The following CORIN variants were observed in gnomAD, a reference collection of about 807,000 sequenced individuals.
The protein encoded by CORIN is corin, serine peptidase.
CORIN carries 117 observed loss-of-function variants against 125.3 expected under a neutral mutation model. The ratio of observed to expected loss-of-function variants is 0.93; its 90% CI spans 0.80 to 1.09. The LOEUF is 1.09. CORIN is among the 50% of genes least tolerant of loss of function. The probability of loss-of-function intolerance (pLI) is 0.00; values close to 1 mark genes in which losing one functional copy is unlikely to be tolerated. For synonymous variants in CORIN, 450 were observed against 466.4 expected, an observed-to-expected ratio of 0.96 and a Z score of 0.45; for missense variants, 1,253 against 1,306.7, an observed-to-expected ratio of 0.96 and a Z score of 0.63.
chr4:47,654,004 C>T (rs1186710739), intron 12 of CORIN, among the ~76,000 whole-genome samples: 2 of 152,204 alleles, frequency 1.3e-5, no homozygotes, highest in African/African-American at 2.4e-5. Flanking sequence ...AAATCATTTT[C>T]ACATCCCCAT....
intron 6 of CORIN, among the ~76,000 whole-genome samples, chr4:47,687,144 A>C (rs953333654): frequency 6.6e-6 from 1 of 152,234 alleles, no homozygotes; most frequent in Non-Finnish European, 1.5e-5. Context: ...TTTAGAAGTG[A>C]GATACAAAAT....
chr4:47,782,110 C>T (rs1016624678), intron 3 of CORIN, among the ~76,000 whole-genome samples: 1 of 151,972 alleles, frequency 6.6e-6, no homozygotes, highest in Non-Finnish European at 1.5e-5. Flanking sequence ...GAAGGCCAGG[C>T]GCAGTGGCTC....
chr4:47,744,706 A>G, intron 4 of CORIN, 123 bp from the exon 5 acceptor site: 1 of 888,262 alleles, frequency 1.1e-6, no homozygotes, highest in East Asian at 2.8e-5. Flanking sequence ...TACTATAGTC[A>G]GCAACTTAAA....
chr4:47,677,837 T>C, intron 9 of CORIN, 101 bp downstream of exon 9: 1 of 810,136 alleles, frequency 1.2e-6, no homozygotes, highest in Non-Finnish European at 2.1e-6. Context: ...CTGGGATTAT[T>C]TACATGGGAA....
At chr4:47,816,139 C>A (rs1732257820) in intron 1 of CORIN, among the ~76,000 whole-genome samples, 1 of 152,106 alleles carries the variant, frequency 6.6e-6, no homozygotes, top group African/African-American at 2.4e-5. Context: ...CATTTCAATG[C>A]AAAGTAAAAC....
At chr4:47,742,401 C>A (rs1478137626) in intron 5 of CORIN, among the ~76,000 whole-genome samples, 5 of 151,748 alleles carry the variant, frequency 3.3e-5, no homozygotes, top group Non-Finnish European at 4.4e-5. Context: ...AATTTACAGA[C>A]AAATTATAAA....
At chr4:47,774,842 A>G (rs1337678172) in intron 3 of CORIN, among the ~76,000 whole-genome samples, 1 of 152,228 alleles carries the variant, frequency 6.6e-6, no homozygotes, top group East Asian at 1.9e-4. Context: ...GCTAAGTAAA[A>G]TAAGCCAGTC....
At chr4:47,822,907 C>T (rs1315438965) in intron 1 of CORIN, among the ~76,000 whole-genome samples, 1 of 151,992 alleles carries the variant, frequency 6.6e-6, no homozygotes, top group Non-Finnish European at 1.5e-5. Context: ...CCTCCACCTC[C>T]CGGGTTCAAG....
chr4:47,756,719 A>C lies in CORIN; in HGVS notation c.617+6660T>G, dbSNP rs186542703. Among the ~76,000 whole-genome samples, 29 of 152,348 alleles carry C rather than the reference A, an allele frequency of 1.9e-4. No individual in the cohort carries two copies. In the East Asian group the frequency reaches 5.0e-3, roughly 26 times the overall value. On this transcript the variant is annotated intron_variant, in intron 4 of 21. Coordinates refer to ENST00000273857, the MANE Select transcript of CORIN (RefSeq NM_006587.4). The stretch of plus-strand genomic sequence containing the variant: ...ACCTAATGGCAAATCAATATGTCAG[A>C]GGGAAAAACAAATAACCAACACATC...
intron 13 of CORIN, among the ~76,000 whole-genome samples, chr4:47,648,493 T>C (rs1210460020): frequency 6.6e-6 from 1 of 152,198 alleles, no homozygotes; most frequent in Middle Eastern, 3.2e-3. Flanking sequence ...TTGCTTACTC[T>C]ATCTCTCATT....
chr4:47,642,874 A>C, intron 15 of CORIN: 1 of 1,461,938 alleles, frequency 6.8e-7, no homozygotes, highest in Non-Finnish European at 9.0e-7. Flanking sequence ...AGAGTTTTTA[A>C]ATCCTCTCCC....
chr4:47,613,006 A>G (rs758968428), intron 19 of CORIN, among the ~76,000 whole-genome samples: 1 of 152,218 alleles, frequency 6.6e-6, no homozygotes, highest in Non-Finnish European at 1.5e-5. Flanking sequence ...TTTCAGGGGG[A>G]AAAAGCTATG....
At chr4:47,596,795 G>A (rs1340882836) in intron 21 of CORIN, among the ~76,000 whole-genome samples, 2 of 152,168 alleles carry the variant, frequency 1.3e-5, no homozygotes, top group Non-Finnish European at 2.9e-5. Flanking sequence ...ACTTGGTATT[G>A]TTGAAGAACA....
At chr4:47,822,292 C>G (rs1168860056) in intron 1 of CORIN, among the ~76,000 whole-genome samples, 1 of 152,154 alleles carries the variant, frequency 6.6e-6, no homozygotes, top group African/African-American at 2.4e-5. Flanking sequence ...AGTTGCTAAC[C>G]AGATGCCTCA....
At chr4:47,683,920 A>T in intron 6 of CORIN, 82 bp from the exon 7 acceptor site, 1 of 997,348 alleles carries the variant, frequency 1.0e-6, no homozygotes, top group Non-Finnish European at 1.5e-6. Flanking sequence ...AAAGCCAATC[A>T]TGGAAGGGAC....
At chr4:47,804,166 C>T (rs929427485) in intron 2 of CORIN, among the ~76,000 whole-genome samples, 1 of 152,130 alleles carries the variant, frequency 6.6e-6, no homozygotes, top group Non-Finnish European at 1.5e-5. Context: ...TATTACCTCA[C>T]CCCAGCTAAA....
At chr4:47,825,585 C>T (rs556602488) in intron 1 of CORIN, among the ~76,000 whole-genome samples, 9 of 152,124 alleles carry the variant, frequency 5.9e-5, no homozygotes, top group Non-Finnish European at 2.9e-5. Flanking sequence ...TCCCACCAAG[C>T]CCACATTGCA....
rs1349695672 is a variant in CORIN at position 47,646,997 on chromosome 4, T to G, written c.1844-1803A>C. ...CTATAAGCTAAAATTAGATTTAGTG[T>G]GTTTCATCATCCAAAGATATAGGAA... On this transcript the variant is annotated intron_variant, in intron 13 of 21. Coordinates refer to ENST00000273857, the MANE Select transcript of CORIN (RefSeq NM_006587.4). Among the ~76,000 whole-genome samples, 4 of 152,216 alleles carry G rather than the reference T, an allele frequency of 2.6e-5. No individual in the cohort carries two copies. In the East Asian group the frequency reaches 7.7e-4, roughly 29 times the overall value.
chr4:47,695,840 AAAT>A (rs1370236486), intron 5 of CORIN, among the ~76,000 whole-genome samples: 1 of 152,214 alleles, frequency 6.6e-6, no homozygotes, highest in Non-Finnish European at 1.5e-5. Context: ...GGTAGTTTAC[AAAT>A]GAAGGAAATG....
Sources: allele counts gnomAD v4.1 joint callset (sites outside exome capture counted in the v4.1 genomes callset), GRCh38; gene constraint gnomAD v4.1.1; transcripts MANE v1.5; gene names NCBI Gene and HGNC (gene_info 2026-07-23, HGNC 2026-07-21).